The following MCFD2 variants were observed in gnomAD, a reference collection of about 807,000 sequenced individuals.
MCFD2 encodes multiple coagulation factor deficiency 2, ER cargo receptor complex subunit.
Under a neutral mutation model 12.8 loss-of-function variants are expected in MCFD2, and 11 were observed. The ratio of observed to expected loss-of-function variants is 0.86; its 90% CI spans 0.54 to 1.42. The LOEUF (loss-of-function observed/expected upper bound fraction) is 1.42. MCFD2 is among the 40% of genes most tolerant of loss of function. MCFD2 has a pLI of 0.00. For missense variants in MCFD2, 191 were observed against 178.6 expected, an observed-to-expected ratio of 1.07 and a Z score of -0.40; for synonymous variants, 70 against 68.1, an observed-to-expected ratio of 1.03 and a Z score of -0.14.
rs934091404 is a variant in MCFD2, at chr2:46,904,948, G to T, written c.*515C>A. On this transcript the variant is annotated 3_prime_UTR_variant, in exon 4 of 4. Transcript: ENST00000319466. ...CAGAATTCCCACGTGTTGTGGGAGA[G>T]ACCCAAGGGGAGGTAATTGAATCAT... is the stretch of plus-strand genomic sequence containing the variant. The T allele has an allele frequency of 4.8e-6, 1 of 210,464 alleles. No individual in the cohort carries two copies. The highest frequency in any genetic ancestry group is 9.7e-6 in the Non-Finnish European group (1 of 103,332). The allele number at this position is 210,464 out of a possible 1,614,324, so 13.0% of individuals were successfully genotyped here.
upstream of MCFD2, chr2:46,917,077 C>T: frequency 4.5e-6 from 3 of 673,004 alleles, no homozygotes; most frequent in East Asian, 8.1e-5. Flanking sequence ...AACGCCACTG[C>T]CATTGACGGT....
At chr2:46,919,389 T>C (rs545773081), upstream of MCFD2, among the ~76,000 whole-genome samples, 12 of 152,002 alleles carry the variant, frequency 7.9e-5, no homozygotes, top group Non-Finnish European at 1.8e-4. Flanking sequence ...CAAAATTAGC[T>C]GGGTGTGGTG....
intron 1 of MCFD2, among the ~76,000 whole-genome samples, chr2:46,909,687 G>T (rs1668402572): frequency 6.6e-6 from 1 of 152,198 alleles, no homozygotes; most frequent in South Asian, 2.1e-4. Context: ...AATGGTGGGA[G>T]CAGAGTGGCA....
chr2:46,916,320 GCT>G (rs1363485445), upstream of MCFD2: 9 of 325,804 alleles, frequency 2.8e-5, no homozygotes, highest in Non-Finnish European at 4.0e-5. Context: ...GCGTCTGCCA[GCT>G]CCACTGCACA....
intron 1 of MCFD2, among the ~76,000 whole-genome samples, chr2:46,927,355 A>ATTTTT (rs60808815): frequency 2.3e-5 from 3 of 132,876 alleles, no homozygotes; most frequent in Non-Finnish European, 3.2e-5. Flanking sequence ...AGAAAAAAAG[A>ATTTTT]TTTTTTTTTT....
intron 1 of MCFD2, among the ~76,000 whole-genome samples, chr2:46,913,371 G>C (rs559525402): frequency 1.2e-3 from 179 of 152,054 alleles, no homozygotes; most frequent in African/African-American, 4.2e-3. Flanking sequence ...AACATGGTGA[G>C]ACTCCCTCTC....
chr2:46,910,386 C>T (rs1463238378), intron 1 of MCFD2, among the ~76,000 whole-genome samples: 1 of 152,168 alleles, frequency 6.6e-6, no homozygotes, highest in African/African-American at 2.4e-5. Context: ...CACTCACTTC[C>T]CAACAGGCAA....
chr2:46,911,969 C>T (rs1306525823), intron 1 of MCFD2, among the ~76,000 whole-genome samples: 6 of 152,268 alleles, frequency 3.9e-5, no homozygotes, highest in East Asian at 3.9e-4. Flanking sequence ...AAGGAGTTTC[C>T]GGTTAATTCT....
intron 1 of MCFD2, among the ~76,000 whole-genome samples, chr2:46,911,807 T>A (rs1316699941): frequency 6.6e-6 from 1 of 152,060 alleles, no homozygotes; most frequent in African/African-American, 2.4e-5. Flanking sequence ...GCACCTGTAG[T>A]CCCAGCTACT....
At chr2:46,915,823 C>A (rs76542903), upstream of MCFD2, 11 of 238,772 alleles carry the variant, frequency 4.6e-5, no homozygotes, top group East Asian at 6.9e-4. Context: ...CCCCCCCCCC[C>A]CCCCGACCTG....
At chr2:46,929,078 G>A (rs889555781) in intron 1 of MCFD2, among the ~76,000 whole-genome samples, 7 of 152,032 alleles carry the variant, frequency 4.6e-5, no homozygotes, top group South Asian at 2.1e-4. Context: ...TGGGAGAATC[G>A]CTTGAACCTG....
intron 1 of MCFD2, among the ~76,000 whole-genome samples, chr2:46,938,785 G>A (rs1376777051): frequency 7.9e-5 from 12 of 152,074 alleles, no homozygotes; most frequent in African/African-American, 2.9e-4. Flanking sequence ...AGGCCAAGGC[G>A]GGCAGATCAT....
intron 1 of MCFD2, among the ~76,000 whole-genome samples, chr2:46,935,758 A>G (rs1238982062): frequency 6.6e-6 from 1 of 152,092 alleles, no homozygotes; most frequent in African/African-American, 2.4e-5. Context: ...ACAATGAGAG[A>G]TGCAAGTCTT....
chr2:46,915,804 T>TGGGGGGGGGGGG lies in MCFD2; in HGVS notation c.-89_-88insCCCCCCCCCCCC. The TGGGGGGGGGGGG allele has an allele frequency of 2.1e-5, 12 of 568,422 alleles. No individual in the cohort carries two copies. The highest frequency in any genetic ancestry group is 2.3e-5 in the Non-Finnish European group (12 of 510,728). 35.2% of individuals were successfully genotyped at this position (568,422 alleles called of 1,614,324 possible). ...GTCCCCAAAACGCTCTTCCTCGGCT[T>TGGGGGGGGGGGG]CGCCCCGCCCCCCCCCCCCCCCCGA... is the stretch of plus-strand genomic sequence containing the variant. On this transcript the variant is annotated 5_prime_UTR_variant, in exon 1 of 4. Coordinates refer to ENST00000319466, the MANE Select transcript of MCFD2 (RefSeq NM_139279.6).
Position 46,941,829 on chromosome 2 carries a change from C to T in MCFD2, c.-265G>A. 3 of 1,430,346 alleles carry T rather than the reference C, an allele frequency of 2.1e-6. No individual in the cohort carries two copies. Among genetic ancestry groups the T allele is most frequent in the South Asian group, 2.6e-5 (2 of 77,130 alleles). 88.6% of individuals were successfully genotyped at this position (1,430,346 alleles called of 1,614,324 possible). ...GTCCTCGGCCGACAGCGGGCGCCTGCCAGCCCACCGTGCTAGTCTTAAGAG... is the reference window on the plus strand; with the variant it reads ...GTCCTCGGCCGACAGCGGGCGCCTGTCAGCCCACCGTGCTAGTCTTAAGAG... On this transcript the variant is annotated 5_prime_UTR_variant, in exon 1 of 3. Transcript: ENST00000409147. The surrounding 1 kb of genome is among the most constrained non-coding windows in gnomAD (Gnocchi z 4.2).
intron 1 of MCFD2, among the ~76,000 whole-genome samples, chr2:46,936,206 C>T (rs775589222): frequency 5.9e-5 from 9 of 152,166 alleles, no homozygotes; most frequent in African/African-American, 2.2e-4. Context: ...ATTTGAAAAT[C>T]TTTTCCCCCT....
In MCFD2 at chr2:46,940,707, C is replaced by G. The variant is rs1670254925; in HGVS notation, c.-8+865G>C. Among the ~76,000 whole-genome samples, 1 of 152,248 alleles carries G rather than the reference C, an allele frequency of 6.6e-6. No homozygotes were observed. Among genetic ancestry groups the G allele is most frequent in the African/African-American group, 2.4e-5 (1 of 41,484 alleles). The stretch of plus-strand genomic sequence containing the variant: ...GCTAAAATAAGAAAATACAAATGCT[C>G]CCAGCAGAGGGGCGTCCAGAGAGTC... On this transcript the variant is annotated intron_variant, in intron 1 of 2. Coordinates refer to the MCFD2 transcript ENST00000409147. The surrounding 1 kb of genome is among the most constrained non-coding windows in gnomAD (Gnocchi z 4.7).
At chr2:46,921,605 A>G (rs1669106337) in intron 1 of MCFD2, among the ~76,000 whole-genome samples, 1 of 152,216 alleles carries the variant, frequency 6.6e-6, no homozygotes, top group Admixed American at 6.5e-5. Flanking sequence ...TTTAAAGAAA[A>G]TAGTCATTAA....
chr2:46,914,397 A>G (rs1363701490), intron 1 of MCFD2, among the ~76,000 whole-genome samples: 3 of 152,214 alleles, frequency 2.0e-5, no homozygotes, highest in Non-Finnish European at 4.4e-5. Flanking sequence ...AGAAAAACTG[A>G]CCAGTACTTT....
Sources: gnomAD v4.1 joint callset for allele counts (sites outside exome capture counted in the v4.1 genomes callset) on GRCh38, gnomAD v4.1.1 for gene constraint, Gnocchi (gnomAD v3.1) non-coding constraint, MANE v1.5 for transcripts, NCBI Gene and HGNC (gene_info 2026-07-23, HGNC 2026-07-21) for gene names.